Variants in NRG4 observed in about 807,000 individuals in gnomAD.
The protein encoded by NRG4 is neuregulin 4.
In NRG4, 10 loss-of-function variants were observed where a neutral mutation model predicts 15.0. The observed-to-expected ratio is 0.67, with a 90% CI of 0.41 to 1.13. The LOEUF is 1.13. NRG4 is among the 50% of genes most tolerant of loss of function. The probability of loss-of-function intolerance (pLI) is 0.00; values close to 1 mark genes in which losing one functional copy is unlikely to be tolerated. For synonymous variants in NRG4, 41 were observed against 50.1 expected (o/e 0.82, Z 0.77); for missense variants, 139 against 140.2 (o/e 0.99, Z 0.04).
intron 3 of NRG4, among the ~76,000 whole-genome samples, chr15:76,005,384 A>T (rs1442065430): frequency 3.3e-5 from 2 of 60,998 alleles, no homozygotes; most frequent in Admixed American, 1.5e-4. Context: ...TCCGTCTCTT[A>T]AAAAAAAAAA....
intron 4 of NRG4, among the ~76,000 whole-genome samples, chr15:76,051,061 A>T (rs1370653072): frequency 1.4e-5 from 2 of 146,940 alleles, no homozygotes; most frequent in Non-Finnish European, 3.0e-5. Flanking sequence ...GCTGGAGTGC[A>T]GTGGCGGGAT....
chr15:75,969,642 TG>T (rs1324749911), intron 3 of NRG4, among the ~76,000 whole-genome samples: 2 of 152,314 alleles, frequency 1.3e-5, no homozygotes, highest in African/African-American at 4.8e-5. Flanking sequence ...TATCCTGCCA[TG>T]TGTGCTTACT....
chr15:75,943,992 G>A (rs1457780273), intron 5 of NRG4, among the ~76,000 whole-genome samples: 1 of 151,708 alleles, frequency 6.6e-6, no homozygotes, highest in Non-Finnish European at 1.5e-5. Context: ...ATACAAGTTA[G>A]AAAAGGGTGG....
chr15:76,018,801 A>C (rs2035064700), intron 5 of NRG4, among the ~76,000 whole-genome samples: 1 of 152,148 alleles, frequency 6.6e-6, no homozygotes, highest in African/African-American at 2.4e-5. Flanking sequence ...CAGGAGACAC[A>C]GGGGTTAGGG....
chr15:76,046,208 G>A (rs1411230596), intron 4 of NRG4, among the ~76,000 whole-genome samples: 1 of 150,736 alleles, frequency 6.6e-6, no homozygotes, highest in African/African-American at 2.5e-5. Context: ...AAGAGGACAC[G>A]CACAAAAAAG....
rs1030395381 is a variant in NRG4, at chr15:75,943,650, A to C, written c.336T>G (p.His112Gln). 3 of 1,572,878 alleles carry C rather than the reference A, an allele frequency of 1.9e-6. No individual in the cohort carries two copies. In the African/African-American group the frequency reaches 4.1e-5, roughly 21 times the overall value. ...ETSSTSAHHS[H>Q]EQH ...CTTTGACGTTTCTTCAGTGTTGTTCATGACCTGTGAAAAATAAGTAAGAAT... is the reference window on the plus strand; with the variant it reads ...CTTTGACGTTTCTTCAGTGTTGTTCCTGACCTGTGAAAAATAAGTAAGAAT... Residue 112 changes from histidine to glutamine, a missense_variant, in exon 6 of 6, where the codon CAT becomes CAG. Transcript: ENST00000394907.
chr15:75,997,837 C>T (rs2034269056), intron 3 of NRG4, among the ~76,000 whole-genome samples: 2 of 152,148 alleles, frequency 1.3e-5, no homozygotes, highest in South Asian at 2.1e-4. Context: ...CAGGGCCAGA[C>T]TTGTGACTGG....
At chr15:75,993,564 A>C (rs1214884380) in intron 3 of NRG4, among the ~76,000 whole-genome samples, 2 of 151,836 alleles carry the variant, frequency 1.3e-5, no homozygotes. Flanking sequence ...GCCAGGCTGC[A>C]TGCCTATAGT....
downstream of NRG4, chr15:75,938,122 T>G (rs907939783): frequency 6.6e-5 from 10 of 152,182 alleles, no homozygotes; most frequent in African/African-American, 2.4e-4. Context: ...CAAAGCTGAT[T>G]TGTAAAATCT....
At chr15:75,971,848 T>C (rs1482660256) in intron 3 of NRG4, among the ~76,000 whole-genome samples, 2 of 152,222 alleles carry the variant, frequency 1.3e-5, no homozygotes, top group Admixed American at 6.5e-5. Flanking sequence ...CGTGCCTTTA[T>C]AGTAGAATGA....
rs116119101 is a variant in NRG4, at chr15:75,991,852, G to T, written c.104+17348C>A. Among the ~76,000 whole-genome samples the T allele has an allele frequency of 4.3e-3, 654 of 151,948 alleles. 13 individuals carry two copies. The highest frequency in any genetic ancestry group is 0.015 in the African/African-American group (619 of 41,482). ...TCAATACACAATCTGTCTTTAGTTGGCAAGTTTAGTTAGTTTACATTTAAT... is the reference window on the plus strand; with the variant it reads ...TCAATACACAATCTGTCTTTAGTTGTCAAGTTTAGTTAGTTTACATTTAAT... On this transcript the variant is annotated intron_variant, in intron 3 of 5. Coordinates refer to ENST00000394907, the MANE Select transcript of NRG4 (RefSeq NM_138573.4).
At chr15:76,057,078 C>T (rs1277444232) in intron 1 of NRG4, 1 of 152,208 alleles carries the variant, frequency 6.6e-6, no homozygotes, top group Non-Finnish European at 1.5e-5. Context: ...CTTTACAGCT[C>T]TTATACTTTC....
At chr15:75,951,802 A>C (rs1020329175) in intron 5 of NRG4, among the ~76,000 whole-genome samples, 2 of 152,170 alleles carry the variant, frequency 1.3e-5, no homozygotes, top group African/African-American at 2.4e-5. Flanking sequence ...TTATGTTGTT[A>C]TGATATTTCA....
chr15:75,966,724 GTCAA>G (rs150771005), intron 3 of NRG4, among the ~76,000 whole-genome samples: 6,010 of 152,248 alleles, frequency 0.039, 212 homozygotes, highest in African/African-American at 0.094. Flanking sequence ...GATACTCTGT[GTCAA>G]TCAAAGTTCA....
At chr15:75,975,887 G>C (rs2033343255) in intron 3 of NRG4, among the ~76,000 whole-genome samples, 2 of 152,120 alleles carry the variant, frequency 1.3e-5, no homozygotes, top group Admixed American at 6.5e-5. Flanking sequence ...TCCTGAATTT[G>C]AATGTTGGCC....
chr15:75,946,887 A>C (rs750898260), intron 5 of NRG4, among the ~76,000 whole-genome samples: 1 of 152,184 alleles, frequency 6.6e-6, no homozygotes, highest in Non-Finnish European at 1.5e-5. Context: ...TCAGAATTTC[A>C]TTCCTTTTTA....
upstream of NRG4, among the ~76,000 whole-genome samples, chr15:76,014,657 T>C (rs1259892225): frequency 6.6e-6 from 1 of 152,166 alleles, no homozygotes; most frequent in Non-Finnish European, 1.5e-5. Flanking sequence ...TGGTTGTAGA[T>C]GGGTGGAGTT....
At chr15:76,025,964 C>T (rs965207634) in intron 5 of NRG4, among the ~76,000 whole-genome samples, 2 of 151,482 alleles carry the variant, frequency 1.3e-5, no homozygotes, top group African/African-American at 4.9e-5. Context: ...GAAGACAGGT[C>T]TTTTGAAGTA....
intron 4 of NRG4, among the ~76,000 whole-genome samples, chr15:76,042,849 A>T (rs147105453): frequency 6.6e-6 from 1 of 152,082 alleles, no homozygotes; most frequent in Non-Finnish European, 1.5e-5. Flanking sequence ...ATAAAAACAC[A>T]TTTAAAAAAA....
Sources: allele counts gnomAD v4.1 joint callset (sites outside exome capture counted in the v4.1 genomes callset), GRCh38; gene constraint gnomAD v4.1.1; transcripts MANE v1.5; gene names NCBI Gene and HGNC (gene_info 2026-07-23, HGNC 2026-07-21).